ADAMTSL3: variants seen among roughly 807,000 people sequenced by gnomAD.
The protein encoded by ADAMTSL3 is ADAMTS-like protein 3.
Under a neutral mutation model 201.7 loss-of-function variants are expected in ADAMTSL3, and 128 were observed. The observed-to-expected ratio is 0.63, with a 90% CI of 0.55 to 0.73. The LOEUF (loss-of-function observed/expected upper bound fraction) is 0.73, where lower values mean the gene tolerates loss of function less well. ADAMTSL3 is among the 30% of genes least tolerant of loss of function. The pLI is 0.00. For synonymous variants in ADAMTSL3, 738 were observed against 748.4 expected (o/e 0.99, Z 0.23); for missense variants, 1,990 against 2,119.6 (o/e 0.94, Z 1.20).
intron 2 of ADAMTSL3, among the ~76,000 whole-genome samples, chr15:83,682,489 C>G (rs1333458540): frequency 6.6e-6 from 1 of 152,164 alleles, no homozygotes; most frequent in African/African-American, 2.4e-5. Flanking sequence ...GTCTTTTTAT[C>G]CTTTTTCTCT....
chr15:83,844,552 C>G (rs2064455292), intron 7 of ADAMTSL3, among the ~76,000 whole-genome samples: 1 of 152,192 alleles, frequency 6.6e-6, no homozygotes, highest in African/African-American at 2.4e-5. Context: ...GCTGGTCATA[C>G]TCTTCTATCA....
At position 83,988,724 on chromosome 15, in the gene ADAMTSL3, A is replaced by G; in HGVS notation, c.3750A>G (p.Ile1250Met). 6.2e-7 allele frequency: 1 copy of G among 1,609,074 alleles called. No individual in the cohort carries two copies. The highest frequency in any genetic ancestry group is 8.5e-7 in the Non-Finnish European group (1 of 1,177,140). ...IILDGTGKIQ[I>M]QNPTRKEQGI... The stretch of plus-strand genomic sequence containing the variant: ...TGGATGGAACTGGGAAGATACAGAT[A>G]CAGAATCCTACAAGGAAAGAACAAG... Residue 1250 changes from isoleucine to methionine, a missense_variant, in exon 22 of 30, where the codon ATA (isoleucine) becomes ATG (methionine). Ile to Met is a conservative substitution (Grantham distance 10). Transcript: ENST00000286744.
At chr15:84,022,739 C>T (rs1055062064) in intron 26 of ADAMTSL3, among the ~76,000 whole-genome samples, 42 of 151,376 alleles carry the variant, frequency 2.8e-4, no homozygotes, top group South Asian at 1.3e-3. Context: ...AATTGAAGTC[C>T]CTTCATATTT....
In ADAMTSL3 at chr15:83,913,151, G is replaced by A. The variant is rs142860011; in HGVS notation, c.1760G>A (p.Arg587His). The change falls in exon 16 of 30, where the codon CGT becomes CAT. Residue 587 changes from arginine (R) to histidine (H), a missense_variant. Transcript: ENST00000286744. ...ACGTGTGGGCCGGGTGTGCAGGTCC[G>A]TGAGGTGAAGTGCCGTGTGCTCCTC... ...STTCGPGVQV[R>H]EVKCRVLLTF... 9.3e-6 allele frequency: 15 copies of A among 1,614,116 alleles called. No individual in the cohort carries two copies. Among genetic ancestry groups the A allele is most frequent in the African/African-American group, 5.3e-5 (4 of 75,018 alleles).
At chr15:83,899,551 CTT>C in intron 14 of ADAMTSL3, 94 bp from the exon 15 acceptor site, 1 of 1,252,812 alleles carries the variant, frequency 8.0e-7, no homozygotes, top group South Asian at 1.4e-5. Context: ...AACATGACCT[CTT>C]TATAAATGAA....
At chr15:83,842,629 C>G (rs1001452728) in intron 7 of ADAMTSL3, among the ~76,000 whole-genome samples, 1 of 152,098 alleles carries the variant, frequency 6.6e-6, no homozygotes, top group Non-Finnish European at 1.5e-5. Flanking sequence ...ACAATCAGTC[C>G]GTCTGGGGAT....
chr15:83,658,236 GTAGCTGGGACT>G (rs1305588917), intron 2 of ADAMTSL3, among the ~76,000 whole-genome samples: 1 of 152,136 alleles, frequency 6.6e-6, no homozygotes, highest in Non-Finnish European at 1.5e-5. Flanking sequence ...CAGCCTCTGA[GTAGCTGGGACT>G]ACAGGCGCAC....
chr15:83,870,801 G>A lies in ADAMTSL3; in HGVS notation c.803-1G>A, dbSNP rs1158115315. Reference sequence around the variant, plus strand: ...ATTTGAATCATATATTTTAATTTTAGTTATTGAATCAAAAACACTTCAAGG... The same window carrying A: ...ATTTGAATCATATATTTTAATTTTAATTATTGAATCAAAAACACTTCAAGG... On this transcript the variant is annotated splice_acceptor_variant, in intron 8 of 29. Transcript: ENST00000286744. LOFTEE classifies it high-confidence loss of function. 1 of 1,563,938 alleles carries A rather than the reference G, an allele frequency of 6.4e-7. No homozygotes were observed. Among genetic ancestry groups the A allele is most frequent in the Non-Finnish European group, 8.6e-7 (1 of 1,160,230 alleles).
chr15:83,979,683 A>G (rs2067351115), intron 20 of ADAMTSL3, among the ~76,000 whole-genome samples: 1 of 152,252 alleles, frequency 6.6e-6, no homozygotes, highest in African/African-American at 2.4e-5. Context: ...AGAGTAAAGT[A>G]TAATGATTTC....
At chr15:83,666,097 ATTC>A (rs1177987725) in intron 2 of ADAMTSL3, among the ~76,000 whole-genome samples, 25 of 152,356 alleles carry the variant, frequency 1.6e-4, no homozygotes, top group Non-Finnish European at 3.2e-4. Flanking sequence ...GATTTCTGAT[ATTC>A]TTCTTAGAAT....
intron 19 of ADAMTSL3, among the ~76,000 whole-genome samples, chr15:83,957,428 T>C (rs1175007013): frequency 6.6e-6 from 1 of 152,120 alleles, no homozygotes; most frequent in East Asian, 1.9e-4. Context: ...ATGGATAAGG[T>C]ATTAGAGGAA....
intron 6 of ADAMTSL3, among the ~76,000 whole-genome samples, chr15:83,832,575 A>G (rs528601165): frequency 1.6e-4 from 24 of 152,256 alleles, no homozygotes; most frequent in African/African-American, 5.5e-4. Context: ...CAGCAGGATA[A>G]TGTTCACATA....
intron 7 of ADAMTSL3, among the ~76,000 whole-genome samples, chr15:83,844,337 A>ATT (rs138107846): frequency 6.6e-6 from 1 of 152,110 alleles, no homozygotes; most frequent in African/African-American, 2.4e-5. Context: ...AATTCTTAAG[A>ATT]TTTTTTCCCT....
At chr15:83,682,951 T>A (rs1323961827) in intron 2 of ADAMTSL3, among the ~76,000 whole-genome samples, 1 of 152,230 alleles carries the variant, frequency 6.6e-6, no homozygotes, top group African/African-American at 2.4e-5. Context: ...TGGACTAAAC[T>A]GCCTAGTGGT....
intron 5 of ADAMTSL3, among the ~76,000 whole-genome samples, chr15:83,810,012 A>C (rs2063667799): frequency 6.6e-6 from 1 of 152,168 alleles, no homozygotes; most frequent in Non-Finnish European, 1.5e-5. Context: ...CTTTTGACTG[A>C]GAGCTCAAGC....
intron 2 of ADAMTSL3, among the ~76,000 whole-genome samples, chr15:83,677,124 G>A (rs1457784744): frequency 6.6e-6 from 1 of 152,122 alleles, no homozygotes; most frequent in Non-Finnish European, 1.5e-5. Flanking sequence ...ATTCCATTGT[G>A]GTCAAATAAT....
chr15:83,835,083 A>T (rs1160925329), intron 6 of ADAMTSL3, among the ~76,000 whole-genome samples: 1 of 151,938 alleles, frequency 6.6e-6, no homozygotes, highest in Non-Finnish European at 1.5e-5. Context: ...AAATACAAAA[A>T]ATTAGCCGGG....
intron 23 of ADAMTSL3, among the ~76,000 whole-genome samples, chr15:84,002,601 CA>C (rs2067811671): frequency 6.6e-6 from 1 of 152,134 alleles, no homozygotes; most frequent in Admixed American, 6.6e-5. Flanking sequence ...ATCATTAGAC[CA>C]ATGGGTAAAC....
chr15:83,887,824 C>T (rs1408915479), intron 10 of ADAMTSL3, among the ~76,000 whole-genome samples: 1 of 152,158 alleles, frequency 6.6e-6, no homozygotes, highest in Non-Finnish European at 1.5e-5. Context: ...CTGGTGGGCC[C>T]AAGCCATCCT....
Sources: gnomAD v4.1 joint callset for allele counts (sites outside exome capture counted in the v4.1 genomes callset) on GRCh38, gnomAD v4.1.1 for gene constraint, MANE v1.5 for transcripts, NCBI Gene and HGNC (gene_info 2026-07-23, HGNC 2026-07-21) for gene names.